Variants in GFRA1 observed in about 807,000 individuals in gnomAD.
GFRA1 encodes the protein GDNF family receptor alpha-1.
GFRA1 carries 16 observed loss-of-function variants against 51.6 expected under a neutral mutation model. The ratio of observed to expected loss-of-function variants is 0.31; its 90% CI spans 0.21 to 0.47. The LOEUF (loss-of-function observed/expected upper bound fraction) is 0.47. Among genes scored for constraint, GFRA1 ranks in the 20% least tolerant of loss-of-function variants. The probability of loss-of-function intolerance (pLI) is 1.00; values close to 1 mark genes in which losing one functional copy is unlikely to be tolerated. For synonymous variants in GFRA1, 270 were observed against 241.3 expected (o/e 1.12, Z -1.10); for missense variants, 530 against 594.3 (o/e 0.89, Z 1.13).
intron 5 of GFRA1, among the ~76,000 whole-genome samples, chr10:116,195,375 C>A (rs1589861467): frequency 6.6e-6 from 1 of 152,134 alleles, no homozygotes; most frequent in Non-Finnish European, 1.5e-5. Context: ...GGTCACCAAC[C>A]TTTTTGGCAC....
At chr10:116,199,037 G>A (rs968126499) in intron 5 of GFRA1, among the ~76,000 whole-genome samples, 9 of 152,190 alleles carry the variant, frequency 5.9e-5, no homozygotes, top group East Asian at 3.9e-4. Flanking sequence ...GGAATACTAC[G>A]GGCTGCTGAG....
intron 9 of GFRA1, among the ~76,000 whole-genome samples, chr10:116,079,325 G>C (rs1768091615): frequency 6.6e-6 from 1 of 152,086 alleles, no homozygotes; most frequent in African/African-American, 2.4e-5. Flanking sequence ...AATGGACTAA[G>C]ACAAGTAGTA....
At position 116,063,031 on chromosome 10, in the gene GFRA1, T is replaced by C. The variant is rs1232374526; in HGVS notation, c.*1367A>G. On this transcript the variant is annotated 3_prime_UTR_variant, in exon 11 of 11. Coordinates refer to ENST00000355422, the MANE Select transcript of GFRA1 (RefSeq NM_005264.8). The stretch of plus-strand genomic sequence containing the variant: ...ATCCTTAATGACCTTCAGACCAAAC[T>C]GCTCCAAACAGTGGCCAAGACGTTG... The C allele has an allele frequency of 6.6e-6, 1 of 152,236 alleles. No homozygotes were observed. Among genetic ancestry groups the C allele is most frequent in the Non-Finnish European group, 1.5e-5 (1 of 68,068 alleles). The allele number at this position is 152,236 out of a possible 1,614,324, so 9.4% of individuals were successfully genotyped here. A position where few individuals can be genotyped will look rare whatever the true frequency, so the allele number is the denominator to read the frequency against.
intron 4 of GFRA1, among the ~76,000 whole-genome samples, chr10:116,254,536 A>G (rs1356849624): frequency 2.0e-5 from 3 of 151,924 alleles, no homozygotes; most frequent in Non-Finnish European, 4.4e-5. Context: ...GAAAAAAAGA[A>G]AGAAAGCATC....
At chr10:116,128,020 AG>A (rs1957946676) in intron 5 of GFRA1, among the ~76,000 whole-genome samples, 1 of 152,208 alleles carries the variant, frequency 6.6e-6, no homozygotes, top group African/African-American at 2.4e-5. Flanking sequence ...TAATACTTCA[AG>A]GAAGTGGTCA....
chr10:116,171,769 C>A (rs1961049880), intron 5 of GFRA1, among the ~76,000 whole-genome samples: 1 of 152,182 alleles, frequency 6.6e-6, no homozygotes, highest in African/African-American at 2.4e-5. Flanking sequence ...ATCAAGGAGT[C>A]ATCGGTTTCA....
intron 9 of GFRA1, among the ~76,000 whole-genome samples, chr10:116,070,328 C>A (rs1166721339): frequency 6.6e-6 from 1 of 152,212 alleles, no homozygotes; most frequent in Non-Finnish European, 1.5e-5. Context: ...TCACACTTGT[C>A]AATACCCGTT....
intron 5 of GFRA1, among the ~76,000 whole-genome samples, chr10:116,150,462 T>C (rs183169570): frequency 8.5e-4 from 129 of 152,296 alleles, no homozygotes; most frequent in African/African-American, 2.6e-3. Context: ...AGGGGTCTCA[T>C]AGGACATGCC....
intron 5 of GFRA1, among the ~76,000 whole-genome samples, chr10:116,189,484 C>T (rs531396134): frequency 3.3e-5 from 5 of 152,296 alleles, no homozygotes; most frequent in South Asian, 2.1e-4. Context: ...CCGCCACCTT[C>T]ACTCCAGCTA....
chr10:116,153,390 T>G (rs1296761785), intron 5 of GFRA1, among the ~76,000 whole-genome samples: 3 of 152,204 alleles, frequency 2.0e-5, no homozygotes, highest in African/African-American at 7.2e-5. Context: ...AGGATACATG[T>G]GAAAAGTGAT....
intron 6 of GFRA1, among the ~76,000 whole-genome samples, chr10:116,097,987 G>A (rs928162183): frequency 6.6e-6 from 1 of 152,158 alleles, no homozygotes; most frequent in Non-Finnish European, 1.5e-5. Flanking sequence ...AGACCTGATG[G>A]AATTATCCAA....
At chr10:116,200,990 A>G (rs1406129671) in intron 5 of GFRA1, among the ~76,000 whole-genome samples, 2 of 152,210 alleles carry the variant, frequency 1.3e-5, no homozygotes, top group Non-Finnish European at 2.9e-5. Context: ...AACAATATGG[A>G]CAGTTTTATG....
intron 8 of GFRA1, among the ~76,000 whole-genome samples, chr10:116,090,445 A>C (rs1217977064): frequency 1.3e-5 from 2 of 151,252 alleles, no homozygotes; most frequent in African/African-American, 2.4e-5. Context: ...AAAAAAAAAA[A>C]AAAAAAAAAC....
chr10:116,214,178 AG>A (rs972754420), intron 4 of GFRA1, among the ~76,000 whole-genome samples: 2 of 152,194 alleles, frequency 1.3e-5, no homozygotes, highest in Non-Finnish European at 2.9e-5. Flanking sequence ...CACCTGGAGG[AG>A]CCCTCCTACT....
chr10:116,064,046 CATG>C lies in GFRA1; in HGVS notation c.*349_*351del, dbSNP rs1430559141. On this transcript the variant is annotated 3_prime_UTR_variant, in exon 11 of 11. Transcript: ENST00000355422. ...GAAGTAAAACTGTTAAAATCATCAT[CATG>C]ATCATGATGATCATCATCATGATCA... 1 of 100,748 alleles carries C rather than the reference CATG, an allele frequency of 9.9e-6. No individual in the cohort carries two copies. The highest frequency in any genetic ancestry group is 2.1e-4 in the African/African-American group (1 of 4,810). 6.2% of individuals were successfully genotyped at this position (100,748 alleles called of 1,614,324 possible).
At chr10:116,154,829 G>A (rs2134152766) in intron 5 of GFRA1, among the ~76,000 whole-genome samples, 1 of 152,284 alleles carries the variant, frequency 6.6e-6, no homozygotes, top group South Asian at 2.1e-4. Context: ...TATTAGACCA[G>A]GTCCCGGCCA....
At chr10:116,167,272 C>A (rs1367725597) in intron 5 of GFRA1, among the ~76,000 whole-genome samples, 1 of 152,252 alleles carries the variant, frequency 6.6e-6, no homozygotes, top group South Asian at 2.1e-4. Flanking sequence ...TCAAACTTAT[C>A]CTCCCATCGC....
At chr10:116,131,033 A>C (rs1439448728) in intron 5 of GFRA1, among the ~76,000 whole-genome samples, 1 of 152,176 alleles carries the variant, frequency 6.6e-6, no homozygotes, top group Non-Finnish European at 1.5e-5. Flanking sequence ...CTGACAAAGG[A>C]CTGGTATCTA....
intron 5 of GFRA1, among the ~76,000 whole-genome samples, chr10:116,181,621 T>G (rs945665585): frequency 4.8e-5 from 5 of 103,984 alleles, no homozygotes; most frequent in African/African-American, 1.6e-4. Flanking sequence ...CACAAAAATA[T>G]GAGGTTTTTT....
Sources: gnomAD v4.1 joint callset for allele counts (sites outside exome capture counted in the v4.1 genomes callset) on GRCh38, gnomAD v4.1.1 for gene constraint, MANE v1.5 for transcripts, NCBI Gene and HGNC (gene_info 2026-07-23, HGNC 2026-07-21) for gene names.